Variants in ARHGAP31 observed in about 807,000 individuals in gnomAD.
ARHGAP31 encodes the protein rho GTPase-activating protein 31.
Under a neutral mutation model 113.9 loss-of-function variants are expected in ARHGAP31, and 34 were observed. The ratio of observed to expected loss-of-function variants is 0.30; its 90% CI spans 0.23 to 0.40. ARHGAP31 has a LOEUF of 0.40. ARHGAP31 is among the 10% of genes least tolerant of loss of function. ARHGAP31 has a pLI of 1.00. For missense variants in ARHGAP31, 1,548 were observed against 1,767.1 expected (o/e 0.88, Z 2.22); for synonymous variants, 650 against 684.8 (o/e 0.95, Z 0.79).
intron 3 of ARHGAP31, among the ~76,000 whole-genome samples, chr3:119,369,152 A>G (rs2080274965): frequency 6.6e-6 from 1 of 152,228 alleles, no homozygotes; most frequent in Admixed American, 6.5e-5. Flanking sequence ...AAGTAGAAAG[A>G]AGAATAAATG....
chr3:119,312,894 G>C (rs949200204), intron 1 of ARHGAP31, among the ~76,000 whole-genome samples: 1 of 152,164 alleles, frequency 6.6e-6, no homozygotes. Flanking sequence ...AGTTACACTG[G>C]ATAGCACAGA....
intron 1 of ARHGAP31, among the ~76,000 whole-genome samples, chr3:119,346,654 G>A (rs1425616999): frequency 3.3e-5 from 5 of 152,220 alleles, no homozygotes; most frequent in East Asian, 1.9e-4. Context: ...CTAAGGGTGT[G>A]TCTAAGCTTA....
In ARHGAP31 at chr3:119,314,118, T is replaced by C. The variant is rs376169651; in HGVS notation, c.100+19114T>C. Among the ~76,000 whole-genome samples, 12 of 152,192 alleles carry C rather than the reference T, an allele frequency of 7.9e-5. No homozygotes were observed. In the South Asian group the frequency reaches 1.4e-3, roughly 18 times the overall value. The stretch of plus-strand genomic sequence containing the variant: ...GCATTATCCCTGGCCACACTCTACT[T>C]CTCGCAGTTCCTCAAAAGTGCCATG... On this transcript the variant is annotated intron_variant, in intron 1 of 11. Transcript: ENST00000264245.
rs959124693 is a variant in ARHGAP31, at chr3:119,320,363, A to G, written c.100+25359A>G. The stretch of plus-strand genomic sequence containing the variant: ...GAATAGGCCCCAAATAAGGGGCTAC[A>G]TGATCATTAGGCATTTTCCAACCCA... On this transcript the variant is annotated intron_variant, in intron 1 of 11. Coordinates refer to ENST00000264245, the MANE Select transcript of ARHGAP31 (RefSeq NM_020754.4). Among the ~76,000 whole-genome samples, 3 of 152,194 alleles carry G rather than the reference A, an allele frequency of 2.0e-5. No homozygotes were observed. In the South Asian group the frequency reaches 6.2e-4, roughly 31 times the overall value.
At chr3:119,337,503 C>T (rs944979965) in intron 1 of ARHGAP31, among the ~76,000 whole-genome samples, 7 of 152,150 alleles carry the variant, frequency 4.6e-5, no homozygotes, top group Non-Finnish European at 8.8e-5. Flanking sequence ...ACAATACTGA[C>T]GGGACCCAAA....
chr3:119,382,020 C>G (rs918606613), intron 4 of ARHGAP31, among the ~76,000 whole-genome samples: 3 of 148,296 alleles, frequency 2.0e-5, no homozygotes, highest in African/African-American at 7.4e-5. Context: ...CCTTCAGGCT[C>G]TGAGGTGCTG....
chr3:119,334,057 T>C (rs1436599505), intron 1 of ARHGAP31, among the ~76,000 whole-genome samples: 1 of 152,180 alleles, frequency 6.6e-6, no homozygotes, highest in Non-Finnish European at 1.5e-5. Context: ...CCTCAACTCC[T>C]TTAAAGACAA....
At chr3:119,390,635 C>T in intron 6 of ARHGAP31, 150 bp from the exon 7 acceptor site, 1 of 857,176 alleles carries the variant, frequency 1.2e-6, no homozygotes, top group South Asian at 1.5e-5. Context: ...TGTGCAGCCT[C>T]AGCCCCAGGC....
At chr3:119,337,433 C>G (rs1001688565) in intron 1 of ARHGAP31, among the ~76,000 whole-genome samples, 1 of 152,168 alleles carries the variant, frequency 6.6e-6, no homozygotes, top group Non-Finnish European at 1.5e-5. Flanking sequence ...AAAGGCAGCA[C>G]AGACCCAAAG....
At chr3:119,343,767 A>G (rs550161572) in intron 1 of ARHGAP31, among the ~76,000 whole-genome samples, 1 of 152,340 alleles carries the variant, frequency 6.6e-6, no homozygotes, top group East Asian at 1.9e-4. Flanking sequence ...GCCAGGTGAG[A>G]AAACAGCTCC....
chr3:119,404,464 A>G (rs1434433702), intron 10 of ARHGAP31, among the ~76,000 whole-genome samples: 2 of 152,202 alleles, frequency 1.3e-5, no homozygotes, highest in Non-Finnish European at 2.9e-5. Flanking sequence ...TGAGAGGCTC[A>G]GGGGCAACAG....
chr3:119,408,885 G>A (rs2080689455), intron 10 of ARHGAP31, among the ~76,000 whole-genome samples: 1 of 152,182 alleles, frequency 6.6e-6, no homozygotes. Flanking sequence ...ATTGACAGGA[G>A]ATAACCCCTG....
chr3:119,355,874 C>T (rs964639853), intron 1 of ARHGAP31, among the ~76,000 whole-genome samples: 2 of 152,124 alleles, frequency 1.3e-5, no homozygotes, highest in Admixed American at 1.3e-4. Context: ...TTTTCTTAAT[C>T]CAGTCTATCA....
At chr3:119,295,839 A>T (rs1190065609) in intron 1 of ARHGAP31, among the ~76,000 whole-genome samples, 1 of 152,210 alleles carries the variant, frequency 6.6e-6, no homozygotes, top group East Asian at 1.9e-4. Flanking sequence ...CACCATCTAG[A>T]TTACAATAAC....
In ARHGAP31 at chr3:119,414,622, C is replaced by A. The variant is rs377513782; in HGVS notation, c.2693C>A (p.Ala898Asp). ...GAAGATGACACTGTGACAGACATTG[C>A]CCAGCATGGCCTGGAGATGGTGGAG... Reference protein sequence around the residue: ...CDEDDTVTDIAQHGLEMVEPW... With the variant: ...CDEDDTVTDIDQHGLEMVEPW... The change falls in exon 12 of 12, where the codon GCC becomes GAC. Residue 898 changes from alanine to aspartate, a missense_variant. By Grantham distance (126) the Ala-to-Asp change is moderately radical (BLOSUM62 -2). Coordinates refer to ENST00000264245, the MANE Select transcript of ARHGAP31 (RefSeq NM_020754.4). The A allele has an allele frequency of 1.2e-6, 2 of 1,614,086 alleles. No individual in the cohort carries two copies. The highest frequency in any genetic ancestry group is 1.7e-6 in the Non-Finnish European group (2 of 1,180,040).
intron 1 of ARHGAP31, among the ~76,000 whole-genome samples, chr3:119,310,906 C>T (rs1040124684): frequency 2.6e-5 from 4 of 152,158 alleles, no homozygotes; most frequent in African/African-American, 9.7e-5. Flanking sequence ...TTGGAATTAA[C>T]TGAAGAAACA....
chr3:119,345,641 C>T (rs1267724970), intron 1 of ARHGAP31, among the ~76,000 whole-genome samples: 1 of 152,110 alleles, frequency 6.6e-6, no homozygotes, highest in Non-Finnish European at 1.5e-5. Flanking sequence ...CCAAGCATAG[C>T]GTGGGTGCCA....
intron 1 of ARHGAP31, among the ~76,000 whole-genome samples, chr3:119,311,604 C>T (rs1232510471): frequency 1.3e-5 from 2 of 152,190 alleles, no homozygotes; most frequent in Non-Finnish European, 2.9e-5. Flanking sequence ...CCACAGGACA[C>T]GGTTGGCTAA....
At position 119,402,410 on chromosome 3, in the gene ARHGAP31, G is replaced by C. The variant is rs550207532; in HGVS notation, c.1645+13G>C. ...GAGACTTCTGCAGGTAAGTAGAGGA[G>C]AGAGGGTATCTTTCCGTTGCAAGAG... is the stretch of plus-strand genomic sequence containing the variant. On this transcript the variant is annotated intron_variant, in intron 10 of 11. Transcript: ENST00000264245. 1.2e-5 allele frequency: 20 copies of C among 1,609,812 alleles called. 1 individual carries two copies. In the African/African-American group the frequency reaches 2.0e-4, roughly 16 times the overall value.
Sources: allele counts gnomAD v4.1 joint callset (sites outside exome capture counted in the v4.1 genomes callset), GRCh38; gene constraint gnomAD v4.1.1; transcripts MANE v1.5; gene names NCBI Gene and HGNC (gene_info 2026-07-23, HGNC 2026-07-21).